The following AKNA variants were observed in gnomAD, a reference collection of about 807,000 sequenced individuals.
AKNA encodes the protein AT-hook transcription factor.
AKNA carries 67 observed loss-of-function variants against 138.8 expected under a neutral mutation model. That is an observed-to-expected ratio of 0.48 (90% CI 0.40 to 0.59). The LOEUF (loss-of-function observed/expected upper bound fraction) is 0.59, where lower values mean the gene tolerates loss of function less well. AKNA is among the 20% of genes least tolerant of loss of function. The probability of loss-of-function intolerance (pLI) is 0.00; values close to 1 mark genes in which losing one functional copy is unlikely to be tolerated. For missense variants in AKNA, 1,813 were observed against 1,880.4 expected, an observed-to-expected ratio of 0.96 and a Z score of 0.66; for synonymous variants, 737 against 754.4, an observed-to-expected ratio of 0.98 and a Z score of 0.38.
Position 114,347,871 on chromosome 9 carries a change from A to G in AKNA, c.3251T>C (p.Val1084Ala). 1 of 1,551,270 alleles carries G rather than the reference A, an allele frequency of 6.4e-7. No homozygotes were observed. Among genetic ancestry groups the G allele is most frequent in the South Asian group, 1.2e-5 (1 of 83,910 alleles). The change falls in exon 16 of 22, where the codon GTG becomes GCG. Residue 1084 changes from valine to alanine, a missense_variant. By Grantham distance (64) the Val-to-Ala change is moderately conservative. Transcript: ENST00000374088. Reference sequence around the variant, plus strand: ...TTCCAGCCGCAGACGAAGCCGGGACACCTCTTCTTGCAGCTCACAGATGGC... The same window carrying G: ...TTCCAGCCGCAGACGAAGCCGGGACGCCTCTTCTTGCAGCTCACAGATGGC... Reference protein sequence around the residue: ...DQAICELQEEVSRLRLRLEDS... With the variant: ...DQAICELQEEASRLRLRLEDS...
chr9:114,366,139 C>T (rs1422571070), intron 6 of AKNA, among the ~76,000 whole-genome samples: 1 of 151,962 alleles, frequency 6.6e-6, no homozygotes, highest in African/African-American at 2.4e-5. Context: ...ATTAGCCAGG[C>T]ATGGTGGCGC....
intron 16 of AKNA, 128 bp from the exon 17 acceptor site, chr9:114,346,912 AG>A (rs1372118894): frequency 1.6e-5 from 12 of 734,454 alleles, no homozygotes; most frequent in Non-Finnish European, 2.6e-5. Flanking sequence ...TAGAAGTCAA[AG>A]CCAGACTCTG....
chr9:114,341,709 G>T lies in AKNA; in HGVS notation c.3891C>A (p.Thr1297=), dbSNP rs771008165. The T allele has an allele frequency of 6.3e-7, 1 of 1,579,542 alleles. No homozygotes were observed. Among genetic ancestry groups the T allele is most frequent in the Non-Finnish European group, 8.6e-7 (1 of 1,165,234 alleles). Residue 1297 remains threonine, a synonymous_variant, in exon 21 of 22, where the codon ACC becomes ACA. Transcript: ENST00000374088. ...GAGTTGAAGATGCTTTTCTCCTCGT[G>T]GTGGCCTTCTCTGCCCCTATCAGGG... The part of the protein sequence containing the change: ...GSATSGAEKA[T]TRRKASSTPS...
At chr9:114,350,476 C>T (rs1205057711) in intron 15 of AKNA, among the ~76,000 whole-genome samples, 1 of 151,810 alleles carries the variant, frequency 6.6e-6, no homozygotes, top group Non-Finnish European at 1.5e-5. Context: ...GCACACGAAC[C>T]AAAAAAAGAA....
In AKNA at chr9:114,350,858, C is replaced by A. The variant is rs1383960972; in HGVS notation, c.3221+1G>T. 8 of 1,552,418 alleles carry A rather than the reference C, an allele frequency of 5.2e-6. No individual in the cohort carries two copies. Among genetic ancestry groups the A allele is most frequent in the Admixed American group, 1.9e-5 (1 of 51,734 alleles). The stretch of plus-strand genomic sequence containing the variant: ...CCCCAGGATCCAAGTGTCTAACTTA[C>A]TCTCGCCCTGCCCTGGTGAGCAGGA... On this transcript the variant is annotated splice_donor_variant, in intron 15 of 21. Coordinates refer to ENST00000374088, the MANE Select transcript of AKNA (RefSeq NM_001317950.2). LOFTEE classifies it high-confidence loss of function.
upstream of AKNA, among the ~76,000 whole-genome samples, chr9:114,388,849 G>A (rs1342196397): frequency 1.3e-5 from 2 of 152,202 alleles, no homozygotes; most frequent in South Asian, 4.1e-4. Flanking sequence ...TAATTTCAAG[G>A]AGAGAGCTGT....
intron 4 of AKNA, among the ~76,000 whole-genome samples, chr9:114,369,797 A>T (rs567661953): frequency 1.1e-4 from 17 of 152,174 alleles, no homozygotes; most frequent in Non-Finnish European, 2.1e-4. Flanking sequence ...CACCATCATT[A>T]CCATCACCAT....
At chr9:114,380,840 G>A (rs985318222) in intron 2 of AKNA, among the ~76,000 whole-genome samples, 59 of 151,286 alleles carry the variant, frequency 3.9e-4, no homozygotes, top group Admixed American at 1.4e-3. Context: ...AAATACAACC[G>A]GGCATGGTGG....
intron 1 of AKNA, among the ~76,000 whole-genome samples, chr9:114,385,422 T>A (rs899010559): frequency 6.6e-6 from 1 of 150,730 alleles, no homozygotes; most frequent in Admixed American, 6.6e-5. Context: ...TTATGGCAGG[T>A]GGAGAAGAGG....
chr9:114,376,686 T>C lies in AKNA; in HGVS notation c.1121A>G (p.Glu374Gly), dbSNP rs1833235386. 1 of 1,612,982 alleles carries C rather than the reference T, an allele frequency of 6.2e-7. No individual in the cohort carries two copies. Among genetic ancestry groups the C allele is most frequent in the Non-Finnish European group, 8.5e-7 (1 of 1,179,634 alleles). Reference sequence around the variant, plus strand: ...TCTGGACTTGGGGGGACGGTAGCTCTCATCTTTGGGGAATCTCACCCGGGG... The same window carrying C: ...TCTGGACTTGGGGGGACGGTAGCTCCCATCTTTGGGGAATCTCACCCGGGG... ...VGPRVRFPKD[E>G]SYRPPKSRSH... The change falls in exon 3 of 22, where the codon GAG (glutamate) becomes GGG (glycine). Residue 374 changes from glutamate (E) to glycine (G), a missense_variant. Physicochemically the swap from Glu to Gly is moderately conservative, Grantham distance 98. Transcript: ENST00000374088.
chr9:114,330,607 C>T (rs748465288), downstream of AKNA: 3 of 1,610,382 alleles, frequency 1.9e-6, no homozygotes, highest in Non-Finnish European at 2.5e-6. Flanking sequence ...GCACCCCCAT[C>T]TCAGCTTCTG....
At position 114,361,329 on chromosome 9, in the gene AKNA, A is replaced by C. The variant is rs558070442; in HGVS notation, c.2124+375T>G. Among the ~76,000 whole-genome samples, 5 of 152,294 alleles carry C rather than the reference A, an allele frequency of 3.3e-5. No homozygotes were observed. The East Asian group carries it at 9.6e-4, about 29-fold the overall frequency. ...ACTTAGTCTCAGGTCTCATTTAAAC[A>C]TGACTTCTTCAGGGAAAGCTTCTCT... On this transcript the variant is annotated intron_variant, in intron 9 of 21. Transcript: ENST00000374088.
intron 10 of AKNA, 21 bp from the exon 11 acceptor site, chr9:114,359,815 G>C (rs775488342): frequency 6.2e-7 from 1 of 1,606,726 alleles, no homozygotes; most frequent in Non-Finnish European, 8.5e-7. Flanking sequence ...ACACACAGAG[G>C]GGCATGACCT....
intron 5 of AKNA, 79 bp from the exon 6 acceptor site, chr9:114,367,776 C>A (rs1014396367): frequency 2.8e-6 from 4 of 1,438,412 alleles, no homozygotes; most frequent in Admixed American, 4.9e-5. Flanking sequence ...AACGTCAAAG[C>A]CACCACCTCC....
At chr9:114,384,624 C>T (rs1421668477) in intron 1 of AKNA, among the ~76,000 whole-genome samples, 1 of 152,160 alleles carries the variant, frequency 6.6e-6, no homozygotes, top group Non-Finnish European at 1.5e-5. Context: ...TAGATTTTCT[C>T]TTCCTTATGA....
At position 114,337,013 on chromosome 9, in the gene AKNA, G is replaced by GTGC; in HGVS notation, c.*40_*41insGCA. 8.4e-7 allele frequency: 1 copy of GTGC among 1,185,370 alleles called. No homozygotes were observed. Among genetic ancestry groups the GTGC allele is most frequent in the Non-Finnish European group, 1.1e-6 (1 of 921,704 alleles). 73.4% of individuals were successfully genotyped at this position (1,185,370 alleles called of 1,614,324 possible). ...CCACTCCTGGCCTGGCAGGCCACCT[G>GTGC]CCCACCCACCCACCCATCTGCCTCT... On this transcript the variant is annotated 3_prime_UTR_variant, in exon 22 of 22. Transcript: ENST00000374088.
At position 114,357,927 on chromosome 9, in the gene AKNA, G is replaced by A. The variant is rs1831620252; in HGVS notation, c.2733C>T (p.His911=). The A allele has an allele frequency of 1.9e-6, 3 of 1,597,510 alleles. No individual in the cohort carries two copies. Among genetic ancestry groups the A allele is most frequent in the Non-Finnish European group, 2.6e-6 (3 of 1,175,248 alleles). Residue 911 remains histidine, a synonymous_variant, in exon 12 of 22, where the codon CAC becomes CAT. Coordinates refer to ENST00000374088, the MANE Select transcript of AKNA (RefSeq NM_001317950.2). ...CCCCCATGTGGAGACTTACCTCCAG[G>A]TGGGGCCCACCGCCTCGGTGCAAAG... ...QKPLHRGGGP[H]LEETWMASPE...
At chr9:114,350,314 C>T (rs1304594490) in intron 15 of AKNA, among the ~76,000 whole-genome samples, 1 of 152,130 alleles carries the variant, frequency 6.6e-6, no homozygotes. Context: ...GAGCAGTCTC[C>T]CCAGCGCATC....
intron 21 of AKNA, among the ~76,000 whole-genome samples, chr9:114,340,422 C>T (rs1484485347): frequency 6.6e-6 from 1 of 152,202 alleles, no homozygotes; most frequent in African/African-American, 2.4e-5. Context: ...CACTTTTACT[C>T]CTTCTTCTTC....
Sources: allele counts gnomAD v4.1 joint callset (sites outside exome capture counted in the v4.1 genomes callset), GRCh38; gene constraint gnomAD v4.1.1; transcripts MANE v1.5; gene names NCBI Gene and HGNC (gene_info 2026-07-23, HGNC 2026-07-21).